Variants in UNC5D observed in about 807,000 individuals in gnomAD.
UNC5D encodes netrin receptor UNC5D.
In UNC5D, 39 loss-of-function variants were observed where a neutral mutation model predicts 105.4. The observed-to-expected ratio is 0.37, with a 90% CI of 0.29 to 0.48. UNC5D has a LOEUF of 0.48. UNC5D is among the 20% of genes least tolerant of loss of function. The pLI, the probability that UNC5D is intolerant of heterozygous loss-of-function variation, is 0.98. For synonymous variants in UNC5D, 452 were observed against 450.4 expected, an observed-to-expected ratio of 1.00 and a Z score of -0.04; for missense variants, 991 against 1,202.4, an observed-to-expected ratio of 0.82 and a Z score of 2.60.
intron 11 of UNC5D, among the ~76,000 whole-genome samples, chr8:35,737,756 T>C (rs7812475): frequency 3.3e-5 from 5 of 152,020 alleles, no homozygotes; most frequent in Non-Finnish European, 5.9e-5. Flanking sequence ...TGAACTGATA[T>C]CATAAATAAT....
intron 1 of UNC5D, among the ~76,000 whole-genome samples, chr8:35,340,239 A>T (rs912088341): frequency 2.0e-5 from 3 of 152,190 alleles, no homozygotes; most frequent in Admixed American, 6.5e-5. Context: ...ACAATAGTCT[A>T]GAAAACTTCT....
At chr8:35,351,620 G>T (rs1812244694) in intron 1 of UNC5D, among the ~76,000 whole-genome samples, 1 of 151,958 alleles carries the variant, frequency 6.6e-6, no homozygotes, top group Admixed American at 6.6e-5. Flanking sequence ...TTGTCCCCTA[G>T]GAAGGAAGAA....
intron 4 of UNC5D, among the ~76,000 whole-genome samples, chr8:35,674,236 G>C (rs558434913): frequency 2.0e-5 from 3 of 152,094 alleles, no homozygotes; most frequent in Non-Finnish European, 4.4e-5. Context: ...TTCTTTAATG[G>C]TGATAAGTTT....
chr8:35,416,790 T>C lies in UNC5D; in HGVS notation c.104-132502T>C, dbSNP rs565032717. ...GCATCAGTTGCAGACAAACTTAATC[T>C]GAAAGGAAGCCAGTAAGTATATAAC... On this transcript the variant is annotated intron_variant, in intron 1 of 16. Coordinates refer to ENST00000404895, the MANE Select transcript of UNC5D (RefSeq NM_080872.4). Among the ~76,000 whole-genome samples, 17 of 152,314 alleles carry C rather than the reference T, an allele frequency of 1.1e-4. No individual in the cohort carries two copies. The South Asian group carries it at 3.3e-3, about 30-fold the overall frequency.
At chr8:35,730,937 G>A (rs1829158009) in intron 10 of UNC5D, 75 bp from the exon 11 acceptor site, 1 of 1,359,096 alleles carries the variant, frequency 7.4e-7, no homozygotes, top group Admixed American at 1.8e-5. Flanking sequence ...CCAGGTATCT[G>A]TAAGGTGCTC....
intron 2 of UNC5D, among the ~76,000 whole-genome samples, chr8:35,563,991 T>A (rs1817148061): frequency 6.6e-6 from 1 of 152,174 alleles, no homozygotes; most frequent in Non-Finnish European, 1.5e-5. Flanking sequence ...GATCCTTTAA[T>A]GTGTTACTGA....
chr8:35,687,224 G>A (rs966717864), intron 7 of UNC5D, among the ~76,000 whole-genome samples: 4 of 152,030 alleles, frequency 2.6e-5, no homozygotes, highest in Non-Finnish European at 5.9e-5. Context: ...CAGGCGGATC[G>A]CGAGGTCAGG....
chr8:35,291,597 T>C (rs554754429), intron 1 of UNC5D, among the ~76,000 whole-genome samples: 1 of 152,308 alleles, frequency 6.6e-6, no homozygotes, highest in Admixed American at 6.5e-5. Context: ...CTGTATATAA[T>C]GATTGGCTTT....
chr8:35,571,299 A>T (rs994039121), intron 3 of UNC5D, among the ~76,000 whole-genome samples: 1 of 152,236 alleles, frequency 6.6e-6, no homozygotes, highest in African/African-American at 2.4e-5. Flanking sequence ...TGTGATTTCT[A>T]AATAAAAATA....
chr8:35,664,411 T>C (rs1824300599), intron 4 of UNC5D, among the ~76,000 whole-genome samples: 2 of 152,194 alleles, frequency 1.3e-5, no homozygotes, highest in Non-Finnish European at 2.9e-5. Context: ...TTTCTTGCTC[T>C]GTTGCCCAGG....
intron 1 of UNC5D, among the ~76,000 whole-genome samples, chr8:35,289,004 A>G (rs1806833357): frequency 6.6e-6 from 1 of 152,212 alleles, no homozygotes; most frequent in African/African-American, 2.4e-5. Flanking sequence ...GTTCTTACCT[A>G]TCAATAATTA....
At chr8:35,481,832 G>A (rs887282718) in intron 1 of UNC5D, among the ~76,000 whole-genome samples, 1 of 152,072 alleles carries the variant, frequency 6.6e-6, no homozygotes, top group African/African-American at 2.4e-5. Context: ...ATATGCTGGA[G>A]TTTTCACTGG....
chr8:35,412,860 A>T (rs1312473080), intron 1 of UNC5D, among the ~76,000 whole-genome samples: 1 of 152,072 alleles, frequency 6.6e-6, no homozygotes, highest in Non-Finnish European at 1.5e-5. Context: ...GTAATCTAGA[A>T]ACTGAAAGGA....
At chr8:35,409,533 C>T (rs1805022614) in intron 1 of UNC5D, among the ~76,000 whole-genome samples, 2 of 152,040 alleles carry the variant, frequency 1.3e-5, no homozygotes, top group Admixed American at 1.3e-4. Flanking sequence ...TATTTGTCAT[C>T]TACCTATTTT....
At chr8:35,703,058 G>A (rs1386395325) in intron 7 of UNC5D, among the ~76,000 whole-genome samples, 5 of 151,832 alleles carry the variant, frequency 3.3e-5, no homozygotes, top group Non-Finnish European at 7.4e-5. Context: ...TTTGATTTGC[G>A]TTGGTCTCAT....
chr8:35,701,764 T>TA (rs1273388822), intron 7 of UNC5D, among the ~76,000 whole-genome samples: 5 of 151,840 alleles, frequency 3.3e-5, no homozygotes, highest in African/African-American at 1.2e-4. Flanking sequence ...AAATGATAAA[T>TA]CACTGGCAAT....
intron 7 of UNC5D, among the ~76,000 whole-genome samples, chr8:35,695,687 A>G (rs1336257612): frequency 6.6e-6 from 1 of 151,478 alleles, no homozygotes; most frequent in Non-Finnish European, 1.5e-5. Context: ...TATTCTGACA[A>G]CCTGGCCAGA....
intron 4 of UNC5D, among the ~76,000 whole-genome samples, chr8:35,654,708 A>G (rs920194490): frequency 2.0e-5 from 3 of 151,880 alleles, no homozygotes; most frequent in African/African-American, 7.3e-5. Context: ...CATCTATTAT[A>G]TCATGTTTTC....
At chr8:35,718,447 A>G (rs550722032) in intron 8 of UNC5D, among the ~76,000 whole-genome samples, 1 of 152,272 alleles carries the variant, frequency 6.6e-6, no homozygotes, top group African/African-American at 2.4e-5. Context: ...GGGTTCTAAA[A>G]TCAACCTAAG....
Sources: allele counts gnomAD v4.1 joint callset (sites outside exome capture counted in the v4.1 genomes callset), GRCh38; gene constraint gnomAD v4.1.1; transcripts MANE v1.5; gene names NCBI Gene and HGNC (gene_info 2026-07-23, HGNC 2026-07-21).